Variants in PKHD1 observed in about 807,000 individuals in gnomAD.
The protein encoded by PKHD1 is PKHD1 ciliary IPT domain containing fibrocystin/polyductin, also known as fibrocystin.
Under a neutral mutation model 412.0 loss-of-function variants are expected in PKHD1, and 291 were observed. That is an observed-to-expected ratio of 0.71 (90% confidence interval 0.64 to 0.78). The LOEUF (loss-of-function observed/expected upper bound fraction) is 0.78. Ranked by LOEUF, PKHD1 falls within the 30% of genes least tolerant of loss-of-function variation. The probability of loss-of-function intolerance (pLI) is 0.00; values close to 1 mark genes in which losing one functional copy is unlikely to be tolerated. For missense variants in PKHD1, 4,825 were observed against 4,950.7 expected (o/e 0.97, Z 0.76); for synonymous variants, 1,777 against 1,821.5 (o/e 0.98, Z 0.62).
At position 51,638,799 on chromosome 6, in the gene PKHD1, C is replaced by CAAAAAA. The variant is rs376358912; in HGVS notation, c.11506+44_11506+49dup. Reference sequence around the variant, plus strand: ...TATAAGGGAGAAAGGATTATCTTCTCAAAAAAAAAAAAAAAAAACACAGAA... The same window carrying CAAAAAA: ...TATAAGGGAGAAAGGATTATCTTCTCAAAAAAAAAAAAAAAAAAAAAAAACACAGAA... On this transcript the variant is annotated intron_variant, in intron 64 of 66. Coordinates refer to ENST00000371117, the MANE Select transcript of PKHD1 (RefSeq NM_138694.4). 253 of 849,172 alleles carry CAAAAAA rather than the reference C, an allele frequency of 3.0e-4. 2 individuals carry two copies. Among genetic ancestry groups the CAAAAAA allele is most frequent in the Non-Finnish European group, 3.5e-4 (191 of 551,046 alleles). 52.6% of individuals were successfully genotyped at this position (849,172 alleles called of 1,614,324 possible).
intron 27 of PKHD1, among the ~76,000 whole-genome samples, chr6:52,040,981 T>A (rs188592746): frequency 1.3e-5 from 2 of 152,296 alleles, no homozygotes; most frequent in East Asian, 3.9e-4. Context: ...TGGTAACAAT[T>A]AAAGGTTGAA....
At chr6:51,963,549 T>A (rs1792374258) in intron 35 of PKHD1, among the ~76,000 whole-genome samples, 1 of 152,110 alleles carries the variant, frequency 6.6e-6, no homozygotes. Flanking sequence ...GATTGCAAGT[T>A]ATCAGTGTAA....
rs1772850195 is a variant in PKHD1, at chr6:51,661,414, G to GAA, written c.10157-1447_10157-1446dup. The stretch of plus-strand genomic sequence containing the variant: ...AGAGGTAGATGGAGGGGAATGGGTG[G>GAA]AACAGAGAAATTATGAAGGCATATT... On this transcript the variant is annotated intron_variant, in intron 60 of 66. Transcript: ENST00000371117. Among the ~76,000 whole-genome samples the GAA allele has an allele frequency of 1.3e-5, 2 of 151,954 alleles. 1 individual carries two copies. The highest frequency in any genetic ancestry group is 4.8e-5 in the African/African-American group (2 of 41,412).
intron 36 of PKHD1, among the ~76,000 whole-genome samples, chr6:51,934,701 T>C (rs1787196811): frequency 6.6e-6 from 1 of 150,830 alleles, no homozygotes; most frequent in South Asian, 2.1e-4. Context: ...TAGAAGAAGA[T>C]GTGCCAAAAT....
At chr6:51,628,378 C>G (rs1423590963) in intron 65 of PKHD1, among the ~76,000 whole-genome samples, 3 of 152,164 alleles carry the variant, frequency 2.0e-5, no homozygotes, top group Non-Finnish European at 4.4e-5. Flanking sequence ...GTCCTCCAGC[C>G]ACATCAATGT....
intron 52 of PKHD1, among the ~76,000 whole-genome samples, chr6:51,818,714 T>A (rs1310797399): frequency 1.3e-5 from 2 of 152,200 alleles, no homozygotes; most frequent in Admixed American, 1.3e-4. Context: ...GCCACGTGGC[T>A]AAGTTTACAC....
At chr6:51,763,421 A>G (rs966707) in intron 55 of PKHD1, among the ~76,000 whole-genome samples, 48,622 of 152,006 alleles carry the variant, frequency 0.32, 9,655 homozygotes, top group East Asian at 0.69. Context: ...CTCAGACTCC[A>G]AATGAGGTTT....
chr6:52,035,605 T>G lies in PKHD1; in HGVS notation c.3214A>C (p.Lys1072Gln), dbSNP rs780201606. The change falls in exon 28 of 67, where the codon AAA becomes CAA. Residue 1072 changes from lysine to glutamine, a missense_variant. Lys to Gln is a moderately conservative substitution (Grantham distance 53). Coordinates refer to ENST00000371117, the MANE Select transcript of PKHD1 (RefSeq NM_138694.4). ...ATSNSSRIQC[K>Q]VPPRGKDGRI... is the part of the protein sequence containing the mutation. ...AATCCACTTACCCTGGGTGGAACTT[T>G]GCACTGAATTCTGCTTGAATTGCTT... The G allele has an allele frequency of 6.2e-7, 1 of 1,614,008 alleles. No homozygotes were observed. The highest frequency in any genetic ancestry group is 1.3e-5 in the African/African-American group (1 of 75,030).
At chr6:51,639,162 C>T (rs542164717) in intron 63 of PKHD1, among the ~76,000 whole-genome samples, 1 of 152,182 alleles carries the variant, frequency 6.6e-6, no homozygotes, top group East Asian at 1.9e-4. Context: ...ATTGAAAGTT[C>T]CACTATGCCA....
chr6:51,764,684 A>G (rs1582546018), intron 55 of PKHD1, among the ~76,000 whole-genome samples: 2 of 151,938 alleles, frequency 1.3e-5, no homozygotes, highest in Admixed American at 6.6e-5. Flanking sequence ...ACAATGATAG[A>G]CTGGATTAAA....
intron 53 of PKHD1, among the ~76,000 whole-genome samples, chr6:51,790,079 G>C (rs1225293469): frequency 6.6e-6 from 1 of 152,082 alleles, no homozygotes; most frequent in African/African-American, 2.4e-5. Context: ...CAGGTAATTA[G>C]ACCTAGAATT....
chr6:51,934,161 G>A lies in PKHD1; in HGVS notation c.6070C>T (p.Pro2024Ser), dbSNP rs771764665. The A allele has an allele frequency of 5.6e-6, 9 of 1,614,040 alleles. No homozygotes were observed. The South Asian group carries it at 9.9e-5, about 18-fold the overall frequency. ...ACAGCCAGGAACTTGACTCCATAGG[G>A]AAAGAAGGGAGTTGAGTAGGAACTC... ...YGSSYSTPFF[P>S]YGVKFLAVRN... is the part of the protein sequence containing the mutation. The change falls in exon 37 of 67, where the codon CCC becomes TCC. Residue 2024 changes from proline (P) to serine (S), a missense_variant. Transcript: ENST00000371117.
At chr6:51,713,445 T>C (rs1052286818) in intron 60 of PKHD1, among the ~76,000 whole-genome samples, 1 of 152,238 alleles carries the variant, frequency 6.6e-6, no homozygotes, top group East Asian at 1.9e-4. Context: ...CTACTCACTA[T>C]GAAGCCTCTG....
In PKHD1 at chr6:52,024,798, G is replaced by C. The variant is rs1313759171; in HGVS notation, c.5012C>G (p.Thr1671Ser). The change falls in exon 32 of 67, where the codon ACC becomes AGC. Residue 1671 changes from threonine (T) to serine (S), a missense_variant. Physicochemically the swap from Thr to Ser is moderately conservative, Grantham distance 58. Transcript: ENST00000371117. Reference protein sequence around the residue: ...ISISQSDDILTFAVAQISGAA... With the variant: ...ISISQSDDILSFAVAQISGAA... ...TCCTGAGATCTGGGCCACTGCAAAG[G>C]TTAAGATGTCATCGCTCTGAGAAAT... 6.2e-7 allele frequency: 1 copy of C among 1,614,184 alleles called. No individual in the cohort carries two copies. Among genetic ancestry groups the C allele is most frequent in the Middle Eastern group, 1.6e-4 (1 of 6,062 alleles).
At chr6:52,050,718 G>T (rs1184025059) in intron 21 of PKHD1, among the ~76,000 whole-genome samples, 8 of 152,144 alleles carry the variant, frequency 5.3e-5, no homozygotes, top group Admixed American at 3.3e-4. Context: ...GCATACACAG[G>T]GGCACTTGGG....
At chr6:51,979,222 T>A (rs1248920262) in intron 35 of PKHD1, among the ~76,000 whole-genome samples, 1 of 152,112 alleles carries the variant, frequency 6.6e-6, no homozygotes, top group Non-Finnish European at 1.5e-5. Context: ...TACAGGTGAT[T>A]TCTGTACATC....
At chr6:51,869,321 T>C (rs746699866) in intron 47 of PKHD1, among the ~76,000 whole-genome samples, 17 of 152,100 alleles carry the variant, frequency 1.1e-4, no homozygotes, top group Non-Finnish European at 2.4e-4. Flanking sequence ...TCCTAAACCC[T>C]ACTCAAGAAT....
At position 52,050,269 on chromosome 6, in the gene PKHD1, G is replaced by A. The variant is rs794727366; in HGVS notation, c.2167C>T (p.Arg723Cys). Residue 723 changes from arginine (R) to cysteine (C), a missense_variant, in exon 22 of 67, where the codon CGC becomes TGC. Arg to Cys is a radical substitution (Grantham distance 180). Transcript: ENST00000371117. ...GATTCCACCAGATTGCCCCCTGGGC[G>A]AGCCGTTCCAGAATCAGCTTGAGAA... ...TVSQADSGTARPGGNLVESVS... is the reference protein window; with the variant it reads ...TVSQADSGTACPGGNLVESVS... 8 of 1,614,002 alleles carry A rather than the reference G, an allele frequency of 5.0e-6. No homozygotes were observed. Among genetic ancestry groups the A allele is most frequent in the East Asian group, 2.2e-5 (1 of 44,872 alleles).
At chr6:51,771,655 T>C (rs1202723684) in intron 55 of PKHD1, among the ~76,000 whole-genome samples, 3 of 152,058 alleles carry the variant, frequency 2.0e-5, no homozygotes, top group Non-Finnish European at 4.4e-5. Context: ...TTAATAACCA[T>C]AGTTACACTA....
Sources: gnomAD v4.1 joint callset for allele counts (sites outside exome capture counted in the v4.1 genomes callset) on GRCh38, gnomAD v4.1.1 for gene constraint, MANE v1.5 for transcripts, NCBI Gene and HGNC (gene_info 2026-07-23, HGNC 2026-07-21) for gene names.